The following FAM83B variants were observed in gnomAD, a reference collection of about 807,000 sequenced individuals.
The protein encoded by FAM83B is protein FAM83B.
In FAM83B, 26 loss-of-function variants were observed where a neutral mutation model predicts 38.8. The ratio of observed to expected loss-of-function variants is 0.67; its 90% CI spans 0.49 to 0.93. The LOEUF is 0.93. Ranked by LOEUF, FAM83B falls within the 40% of genes least tolerant of loss-of-function variation. The pLI is 0.00. For synonymous variants in FAM83B, 419 were observed against 423.1 expected (o/e 0.99, Z 0.12); for missense variants, 1,237 against 1,197.3 (o/e 1.03, Z -0.49).
intron 1 of FAM83B, among the ~76,000 whole-genome samples, chr6:54,850,308 A>G (rs1771242532): frequency 6.6e-6 from 1 of 152,164 alleles, no homozygotes; most frequent in Admixed American, 6.5e-5. Context: ...GGTATTGTGA[A>G]AGGTTTAGAC....
At chr6:54,891,966 G>T (rs1772413394) in intron 2 of FAM83B, among the ~76,000 whole-genome samples, 1 of 152,026 alleles carries the variant, frequency 6.6e-6, no homozygotes, top group Admixed American at 6.6e-5. Flanking sequence ...CACAGGCACT[G>T]GGTCTTGGAA....
At chr6:54,896,228 C>T (rs994342828) in intron 2 of FAM83B, among the ~76,000 whole-genome samples, 1 of 152,152 alleles carries the variant, frequency 6.6e-6, no homozygotes, top group African/African-American at 2.4e-5. Flanking sequence ...GAAAAAAATA[C>T]AACCATTGAT....
rs1415558802 is a variant in FAM83B, at chr6:54,884,181, A to G, written c.444+13491A>G. 2.0e-5 allele frequency among the ~76,000 whole-genome samples: 3 copies of G among 152,022 alleles called. No homozygotes were observed. In the East Asian group the frequency reaches 5.8e-4, roughly 29 times the overall value. On this transcript the variant is annotated intron_variant, in intron 2 of 4. Transcript: ENST00000306858. ...GTTGGGCATGGTGGTGTGCGCCTGCAGTCCCAGCTATGCTGGAGGCTGAGG... is the reference window on the plus strand; with the variant it reads ...GTTGGGCATGGTGGTGTGCGCCTGCGGTCCCAGCTATGCTGGAGGCTGAGG...
At chr6:54,912,679 C>T (rs1366695712) in intron 2 of FAM83B, among the ~76,000 whole-genome samples, 2 of 151,894 alleles carry the variant, frequency 1.3e-5, no homozygotes, top group Non-Finnish European at 1.5e-5. Flanking sequence ...AGTAACATGG[C>T]TAAAGTTGTT....
At position 54,942,150 on chromosome 6, in the gene FAM83B, A is replaced by G. The variant is rs1308457580; in HGVS notation, c.*143A>G. 3.7e-6 allele frequency: 3 copies of G among 820,270 alleles called. No homozygotes were observed. Among genetic ancestry groups the G allele is most frequent in the Non-Finnish European group, 3.7e-6 (2 of 546,362 alleles). 50.8% of individuals were successfully genotyped at this position (820,270 alleles called of 1,614,324 possible). A position where few individuals can be genotyped will look rare whatever the true frequency, so the allele number is the denominator to read the frequency against. On this transcript the variant is annotated 3_prime_UTR_variant, in exon 5 of 5. Transcript: ENST00000306858. ...TTCACCAGTGTCCTAGTATAAAGTT[A>G]TTTTTCTGTGTGATAAAGTTAGGGT...
intron 3 of FAM83B, among the ~76,000 whole-genome samples, 154 bp downstream of exon 3, chr6:54,926,689 C>G (rs972655646): frequency 3.3e-5 from 5 of 151,996 alleles, no homozygotes; most frequent in Non-Finnish European, 7.4e-5. Context: ...GAAAGGTCCC[C>G]TGTACTTTTT....
intron 1 of FAM83B, among the ~76,000 whole-genome samples, chr6:54,852,073 G>A (rs146476953): frequency 0.025 from 3,582 of 145,056 alleles, 132 homozygotes; most frequent in African/African-American, 0.081. Flanking sequence ...GAGCCACTGC[G>A]CCTGGCCTAT....
intron 2 of FAM83B, among the ~76,000 whole-genome samples, chr6:54,886,134 C>T (rs1391083437): frequency 1.3e-5 from 2 of 151,942 alleles, no homozygotes; most frequent in African/African-American, 2.4e-5. Flanking sequence ...TCCTGGAATT[C>T]ATTTGAATTA....
At chr6:54,861,903 C>T (rs562255114) in intron 1 of FAM83B, among the ~76,000 whole-genome samples, 1 of 152,266 alleles carries the variant, frequency 6.6e-6, no homozygotes, top group South Asian at 2.1e-4. Flanking sequence ...TGGGAGTGCA[C>T]CTACAAGCCG....
Position 54,851,882 on chromosome 6 carries a change from C to T in FAM83B, c.-61+5056C>T, listed in dbSNP as rs1284171704. 2.6e-5 allele frequency among the ~76,000 whole-genome samples: 4 copies of T among 151,816 alleles called. No homozygotes were observed. In the East Asian group the frequency reaches 7.7e-4, roughly 29 times the overall value. ...CGGGATGGTCTCGATCTCTTGACCT[C>T]GTGATCCTCCCGCCTCGGCCTCCCA... On this transcript the variant is annotated intron_variant, in intron 1 of 4. Transcript: ENST00000306858.
At chr6:54,933,759 A>G (rs1265584318) in intron 4 of FAM83B, among the ~76,000 whole-genome samples, 2 of 151,874 alleles carry the variant, frequency 1.3e-5, no homozygotes, top group Non-Finnish European at 2.9e-5. Context: ...GCTTACCTCT[A>G]TTTTCAATGA....
chr6:54,939,921 C>A lies in FAM83B; in HGVS notation c.950C>A (p.Ser317Tyr), dbSNP rs755122599. ...TCGGTGTCTTCATTAGCATCTGTTTCCAGCCAGAGAAACCTTTTTGGTAGA... is the reference window on the plus strand; with the variant it reads ...TCGGTGTCTTCATTAGCATCTGTTTACAGCCAGAGAAACCTTTTTGGTAGA... ...QHSVSSLASV[S>Y]SQRNLFGRQD... Residue 317 changes from serine (S) to tyrosine (Y), a missense_variant, in exon 5 of 5, where the codon TCC (serine) becomes TAC (tyrosine). Coordinates refer to ENST00000306858, the MANE Select transcript of FAM83B (RefSeq NM_001010872.3). 4 of 1,613,888 alleles carry A rather than the reference C, an allele frequency of 2.5e-6. No individual in the cohort carries two copies. The highest frequency in any genetic ancestry group is 4.5e-5 in the East Asian group (2 of 44,878).
chr6:54,886,700 G>A (rs965091861), intron 2 of FAM83B, among the ~76,000 whole-genome samples: 3 of 151,476 alleles, frequency 2.0e-5, no homozygotes, highest in African/African-American at 7.3e-5. Flanking sequence ...AATTTAGCGT[G>A]TTGATTTTTT....
chr6:54,865,535 T>C (rs764790532), intron 1 of FAM83B, among the ~76,000 whole-genome samples: 6 of 152,170 alleles, frequency 3.9e-5, no homozygotes, highest in Non-Finnish European at 7.3e-5. Flanking sequence ...GTGCAACTCA[T>C]AAAGCATTCA....
At chr6:54,936,748 C>T (rs1350478764) in intron 4 of FAM83B, among the ~76,000 whole-genome samples, 1 of 151,464 alleles carries the variant, frequency 6.6e-6, no homozygotes, top group Non-Finnish European at 1.5e-5. Flanking sequence ...GGAATCTAGT[C>T]TTTATCAAAA....
intron 1 of FAM83B, among the ~76,000 whole-genome samples, chr6:54,858,598 TATA>T (rs1276815264): frequency 1.3e-5 from 2 of 152,250 alleles, no homozygotes; most frequent in African/African-American, 2.4e-5. Context: ...AATAAGTTTA[TATA>T]ATAACAAAAC....
intron 2 of FAM83B, among the ~76,000 whole-genome samples, chr6:54,912,153 T>C (rs762872071): frequency 3.7e-4 from 56 of 152,116 alleles, no homozygotes; most frequent in East Asian, 1.3e-3. Context: ...AACATTTATT[T>C]AGAATATCAA....
At chr6:54,921,211 G>A (rs1008271330) in intron 2 of FAM83B, among the ~76,000 whole-genome samples, 1 of 151,792 alleles carries the variant, frequency 6.6e-6, no homozygotes, top group African/African-American at 2.4e-5. Flanking sequence ...TGTACATATA[G>A]ATTATTGTTT....
intron 1 of FAM83B, among the ~76,000 whole-genome samples, chr6:54,865,422 C>G (rs1317323363): frequency 1.3e-5 from 2 of 152,134 alleles, no homozygotes; most frequent in African/African-American, 4.8e-5. Flanking sequence ...CTAATATGAC[C>G]TCATCTTAAC....
Sources: allele counts gnomAD v4.1 joint callset (sites outside exome capture counted in the v4.1 genomes callset), GRCh38; gene constraint gnomAD v4.1.1; transcripts MANE v1.5; gene names NCBI Gene and HGNC (gene_info 2026-07-23, HGNC 2026-07-21).